Variants in CDK19 observed in about 807,000 individuals in gnomAD.
The protein encoded by CDK19 is cyclin dependent kinase 19.
CDK19 carries 20 observed loss-of-function variants against 68.3 expected under a neutral mutation model. That is an observed-to-expected ratio of 0.29 (90% CI 0.21 to 0.43). CDK19 has a LOEUF of 0.43. CDK19 is among the 20% of genes least tolerant of loss of function. CDK19 has a pLI of 1.00. For missense variants in CDK19, 339 were observed against 623.5 expected (o/e 0.54, Z 4.86); for synonymous variants, 221 against 222.8 (o/e 0.99, Z 0.07).
chr6:110,613,463 A>T lies in CDK19; in HGVS notation c.*1072T>A, dbSNP rs1459848914. 1.3e-5 allele frequency: 2 copies of T among 152,658 alleles called. No homozygotes were observed. Among genetic ancestry groups the T allele is most frequent in the Non-Finnish European group, 2.9e-5 (2 of 68,046 alleles). The allele number at this position is 152,658 out of a possible 1,614,324, so 9.5% of individuals were successfully genotyped here. On this transcript the variant is annotated 3_prime_UTR_variant, in exon 13 of 13. Coordinates refer to ENST00000368911, the MANE Select transcript of CDK19 (RefSeq NM_015076.5). ...TATCTAATACAAATACGAATGGAGA[A>T]CACTGCTCTTTATTTTAAAAGCAGA...
intron 2 of CDK19, among the ~76,000 whole-genome samples, chr6:110,682,130 A>C (rs1338939468): frequency 6.6e-6 from 1 of 152,234 alleles, no homozygotes; most frequent in Non-Finnish European, 1.5e-5. Flanking sequence ...GGGCATTCTG[A>C]ATGGAAAGAT....
intron 2 of CDK19, among the ~76,000 whole-genome samples, chr6:110,723,423 G>A (rs1582953273): frequency 1.3e-5 from 2 of 152,042 alleles, no homozygotes; most frequent in Admixed American, 1.3e-4. Context: ...TTGCAGAATC[G>A]ATGTGCATAA....
chr6:110,796,787 C>T (rs886250758), intron 1 of CDK19, among the ~76,000 whole-genome samples: 21 of 147,028 alleles, frequency 1.4e-4, no homozygotes, highest in Non-Finnish European at 1.5e-5. Context: ...GGTGGATGAT[C>T]ATTTGAGGTC....
chr6:110,687,149 G>A (rs1772556737), intron 2 of CDK19, among the ~76,000 whole-genome samples: 1 of 152,184 alleles, frequency 6.6e-6, no homozygotes, highest in African/African-American at 2.4e-5. Flanking sequence ...CCTCCCAGAT[G>A]GCACTGGCTG....
intron 1 of CDK19, among the ~76,000 whole-genome samples, chr6:110,811,257 G>A (rs1224653534): frequency 6.6e-6 from 1 of 152,030 alleles, no homozygotes; most frequent in East Asian, 1.9e-4. Context: ...ATCAAACACA[G>A]GCAAATACTA....
intron 2 of CDK19, among the ~76,000 whole-genome samples, chr6:110,713,450 ATCCTGGGCTC>A: frequency 7.2e-6 from 1 of 139,346 alleles, no homozygotes; most frequent in East Asian, 2.1e-4. Context: ...AAAAAAAAAA[ATCCTGGGCTC>A]AAGTGATCCT....
At chr6:110,636,915 G>A (rs1779813207) in intron 5 of CDK19, among the ~76,000 whole-genome samples, 1 of 152,240 alleles carries the variant, frequency 6.6e-6, no homozygotes, top group East Asian at 1.9e-4. Flanking sequence ...ATAGGACTTA[G>A]GAAAGGAAAG....
intron 3 of CDK19, among the ~76,000 whole-genome samples, chr6:110,669,581 G>T (rs181616982): frequency 6.6e-6 from 1 of 152,326 alleles, no homozygotes; most frequent in Admixed American, 6.5e-5. Flanking sequence ...AGGAGTTCAA[G>T]ACCAGCTTGT....
intron 4 of CDK19, among the ~76,000 whole-genome samples, chr6:110,658,788 G>A (rs1488034615): frequency 6.6e-6 from 1 of 152,134 alleles, no homozygotes; most frequent in East Asian, 1.9e-4. Flanking sequence ...GCTAGGAAGA[G>A]TATGAGACGA....
intron 1 of CDK19, among the ~76,000 whole-genome samples, chr6:110,768,794 T>C (rs1318483849): frequency 6.6e-6 from 1 of 152,154 alleles, no homozygotes; most frequent in African/African-American, 2.4e-5. Flanking sequence ...GATACTGTAA[T>C]GGTTAAATAC....
chr6:110,714,471 C>A (rs1026523671), intron 2 of CDK19, among the ~76,000 whole-genome samples: 1 of 152,112 alleles, frequency 6.6e-6, no homozygotes, highest in African/African-American at 2.4e-5. Flanking sequence ...TTTTGAGGAA[C>A]CACCAAAATG....
chr6:110,801,776 G>A (rs974701577), intron 1 of CDK19, among the ~76,000 whole-genome samples: 27 of 152,168 alleles, frequency 1.8e-4, no homozygotes, highest in Admixed American at 1.7e-3. Flanking sequence ...CTCCCAAAGT[G>A]CTGGGATTAC....
At chr6:110,681,723 G>C (rs1772033693) in intron 2 of CDK19, among the ~76,000 whole-genome samples, 1 of 152,162 alleles carries the variant, frequency 6.6e-6, no homozygotes, top group African/African-American at 2.4e-5. Context: ...ACAAATACGT[G>C]TAATCATACT....
chr6:110,614,598 G>C lies in CDK19; in HGVS notation c.1446C>G (p.Gly482=). The C allele has an allele frequency of 6.2e-7, 1 of 1,613,780 alleles. No individual in the cohort carries two copies. The highest frequency in any genetic ancestry group is 2.2e-5 in the East Asian group (1 of 44,888). The change falls in exon 13 of 13, where the codon GGC becomes GGG. Residue 482 remains glycine (G), a synonymous_variant. Coordinates refer to ENST00000368911, the MANE Select transcript of CDK19 (RefSeq NM_015076.5). ...QGSSQSQSTL[G]YSSSSQQSSQ... The stretch of plus-strand genomic sequence containing the variant: ...AGCTCTGCTGAGACGAGGAAGAGTA[G>C]CCAAGTGTGCTCTGGGACTGAGAGG...
intron 1 of CDK19, among the ~76,000 whole-genome samples, chr6:110,786,985 C>A (rs1781268598): frequency 1.3e-5 from 2 of 152,144 alleles, no homozygotes; most frequent in African/African-American, 4.8e-5. Context: ...ATCCTTCTAT[C>A]CCTTCTTGCC....
At chr6:110,623,739 TATATATATATATACATATATATATACAC>T (rs1405338719) in intron 8 of CDK19, among the ~76,000 whole-genome samples, 1 of 24,562 alleles carries the variant, frequency 4.1e-5, no homozygotes, top group South Asian at 3.0e-3. Flanking sequence ...TAATGGCCAA[TATATATATATATACATATATATATACAC>T]ATATATATAC....
chr6:110,765,610 G>A (rs1779528836), intron 1 of CDK19, among the ~76,000 whole-genome samples: 1 of 151,126 alleles, frequency 6.6e-6, no homozygotes, highest in African/African-American at 2.4e-5. Flanking sequence ...GAACCCGGGA[G>A]GCGGAGGCTG....
At position 110,692,330 on chromosome 6, in the gene CDK19, T is replaced by C. The variant is rs148862707; in HGVS notation, c.205-21789A>G. On this transcript the variant is annotated intron_variant, in intron 2 of 12. Coordinates refer to ENST00000368911, the MANE Select transcript of CDK19 (RefSeq NM_015076.5). ...AAGAAAGAAAGACACTCTTACAGAA[T>C]TACAAAATGTAATGTAGTAGAAAGT... Among the ~76,000 whole-genome samples the C allele has an allele frequency of 5.8e-3, 872 of 150,918 alleles. 4 individuals are homozygous for C. The highest frequency in any genetic ancestry group is 9.8e-3 in the Non-Finnish European group (664 of 67,778).
At chr6:110,728,287 CAAAA>C (rs951995109) in intron 2 of CDK19, among the ~76,000 whole-genome samples, 1 of 87,188 alleles carries the variant, frequency 1.1e-5, no homozygotes. Context: ...GACTCCATCT[CAAAA>C]AAAAAAAAAA....
Sources: gnomAD v4.1 joint callset for allele counts (sites outside exome capture counted in the v4.1 genomes callset) on GRCh38, gnomAD v4.1.1 for gene constraint, MANE v1.5 for transcripts, NCBI Gene and HGNC (gene_info 2026-07-23, HGNC 2026-07-21) for gene names.